The following ADCY10 variants were observed in gnomAD, a reference collection of about 807,000 sequenced individuals.
The protein encoded by ADCY10 is adenylate cyclase type 10.
A neutral mutation model predicts 183.3 loss-of-function variants in ADCY10; 156 were observed. The observed-to-expected ratio is 0.85, with a 90% confidence interval of 0.75 to 0.97. ADCY10 has a LOEUF of 0.97. ADCY10 is among the 50% of genes least tolerant of loss of function. The pLI, the probability that ADCY10 is intolerant of heterozygous loss-of-function variation, is 0.00. For missense variants in ADCY10, 1,745 were observed against 1,934.3 expected, an observed-to-expected ratio of 0.90 and a Z score of 1.84; for synonymous variants, 645 against 670.0, an observed-to-expected ratio of 0.96 and a Z score of 0.58.
chr1:167,848,974 A>G (rs1294992325), intron 18 of ADCY10, among the ~76,000 whole-genome samples: 7 of 152,182 alleles, frequency 4.6e-5, no homozygotes, highest in Admixed American at 2.6e-4. Flanking sequence ...AAACTGATTC[A>G]TGAAAATCTA....
At chr1:167,889,878 A>T (rs1490450453) in intron 8 of ADCY10, among the ~76,000 whole-genome samples, 1 of 152,104 alleles carries the variant, frequency 6.6e-6, no homozygotes, top group Non-Finnish European at 1.5e-5. Flanking sequence ...ATCAGTTGTA[A>T]TGTCTCCTCT....
chr1:167,866,431 C>T (rs757911847), intron 14 of ADCY10, among the ~76,000 whole-genome samples: 3 of 146,918 alleles, frequency 2.0e-5, no homozygotes, highest in Non-Finnish European at 3.0e-5. Flanking sequence ...ATATCTATTA[C>T]AAACAACAGC....
At position 167,823,099 on chromosome 1, in the gene ADCY10, C is replaced by T. The variant is rs1253541234; in HGVS notation, c.4077G>A (p.Leu1359=). Residue 1359 remains leucine (L), a synonymous_variant, in exon 29 of 33, where the codon CTG becomes CTA. Transcript: ENST00000367851. Reference sequence around the variant, plus strand: ...TTACAGAAAGCTCCCACAGCCGCCCCAGCACCTGGATCAATTGCGGGTATC... The same window carrying T: ...TTACAGAAAGCTCCCACAGCCGCCCTAGCACCTGGATCAATTGCGGGTATC... ...NSRYPQLIQV[L]GRLWELSVTQ... 2.5e-6 allele frequency: 4 copies of T among 1,614,150 alleles called. No homozygotes were observed. Among genetic ancestry groups the T allele is most frequent in the Non-Finnish European group, 3.4e-6 (4 of 1,180,030 alleles).
In ADCY10 at chr1:167,824,633, TG is replaced by T; in HGVS notation, c.3955+17del. ...TTCCTTGTATCCTCATGTCCCATCT[TG>T]CCCAGCCAGCCCTTACCTAACTCAA... On this transcript the variant is annotated intron_variant, in intron 27 of 32. Transcript: ENST00000367851. 1 of 1,614,228 alleles carries T rather than the reference TG, an allele frequency of 6.2e-7. No individual in the cohort carries two copies. Among genetic ancestry groups the T allele is most frequent in the Non-Finnish European group, 8.5e-7 (1 of 1,180,026 alleles).
rs1272960760 is a variant in ADCY10, at chr1:167,848,483, G to C, written c.2315C>G (p.Ser772Cys). ...GTTTAACTTCTCTGTTAGCTTAATG[G>C]AATACTCTACAGGGGTATAAAAGGG... ...NRTWNNLFKY[S>C]IKLTEKLNMV... Residue 772 changes from serine (S) to cysteine (C), a missense_variant, in exon 19 of 33, where the codon TCC (serine) becomes TGC (cysteine). Ser to Cys is a moderately radical substitution (Grantham distance 112, BLOSUM62 -1). Transcript: ENST00000367851. 1 of 1,613,424 alleles carries C rather than the reference G, an allele frequency of 6.2e-7. No homozygotes were observed. Among genetic ancestry groups the C allele is most frequent in the Non-Finnish European group, 8.5e-7 (1 of 1,179,634 alleles).
intron 1 of ADCY10, among the ~76,000 whole-genome samples, chr1:167,909,095 C>T (rs1024246812): frequency 6.6e-6 from 1 of 152,142 alleles, no homozygotes; most frequent in Non-Finnish European, 1.5e-5. Context: ...TGAAGGTAAC[C>T]TTTCTTATTT....
rs200638309 is a variant in ADCY10, at chr1:167,845,574, T to C, written c.2996A>G (p.His999Arg). The C allele has an allele frequency of 2.7e-4, 434 of 1,614,212 alleles. 3 individuals are homozygous for C. In the East Asian group the frequency reaches 9.4e-3, roughly 35 times the overall value. ...ATGAAGTAGGTTACTTTTAAATCCATGAGACATAGCCATCTTTTTAATGGC... is the reference window on the plus strand; with the variant it reads ...ATGAAGTAGGTTACTTTTAAATCCACGAGACATAGCCATCTTTTTAATGGC... ...MDAIKKMAMSHGFKTEEKLIL... is the reference protein window; with the variant it reads ...MDAIKKMAMSRGFKTEEKLIL... Residue 999 changes from histidine (H) to arginine (R), a missense_variant, in exon 21 of 33, where the codon CAT becomes CGT. Transcript: ENST00000367851.
intron 21 of ADCY10, among the ~76,000 whole-genome samples, chr1:167,839,188 C>CA (rs1664442649): frequency 6.6e-6 from 1 of 152,250 alleles, no homozygotes; most frequent in South Asian, 2.1e-4. Flanking sequence ...TTTCCCAACT[C>CA]AATCTCCATT....
chr1:167,878,760 A>C (rs1298594994), intron 11 of ADCY10, 125 bp from the exon 12 acceptor site: 2 of 964,808 alleles, frequency 2.1e-6, no homozygotes, highest in East Asian at 2.6e-5. Context: ...TGAGTGACAC[A>C]GAAGCCTAGT....
chr1:167,890,850 T>C (rs1199682701), intron 8 of ADCY10, among the ~76,000 whole-genome samples: 1 of 152,202 alleles, frequency 6.6e-6, no homozygotes, highest in East Asian at 1.9e-4. Context: ...TTTTACCGAT[T>C]AGATAACTGA....
At chr1:167,874,124 G>A (rs981309705) in intron 13 of ADCY10, among the ~76,000 whole-genome samples, 1 of 152,194 alleles carries the variant, frequency 6.6e-6, no homozygotes, top group Non-Finnish European at 1.5e-5. Flanking sequence ...TTGAAGTTAG[G>A]AGATCAAGAC....
At chr1:167,865,440 G>T (rs1197572413) in intron 14 of ADCY10, among the ~76,000 whole-genome samples, 1 of 152,154 alleles carries the variant, frequency 6.6e-6, no homozygotes, top group Non-Finnish European at 1.5e-5. Context: ...GTTAAAAAGA[G>T]TCTGTAAAAA....
At chr1:167,863,555 G>A (rs1463110083) in intron 14 of ADCY10, among the ~76,000 whole-genome samples, 3 of 152,050 alleles carry the variant, frequency 2.0e-5, no homozygotes, top group Non-Finnish European at 2.9e-5. Context: ...GGTTTTGTCT[G>A]CGGCTCATCC....
chr1:167,857,752 T>C (rs3767459), intron 16 of ADCY10, among the ~76,000 whole-genome samples: 2,062 of 152,298 alleles, frequency 0.014, 16 homozygotes, highest in East Asian at 0.041. Context: ...CTGAGAAAAT[T>C]TGGGCACAGA....
intron 7 of ADCY10, among the ~76,000 whole-genome samples, chr1:167,894,697 C>A (rs1263579913): frequency 6.6e-6 from 1 of 152,042 alleles, no homozygotes; most frequent in African/African-American, 2.4e-5. Flanking sequence ...GTAAGTGTAG[C>A]ACTTTGCTGA....
chr1:167,875,814 A>G (rs932976674), intron 12 of ADCY10, among the ~76,000 whole-genome samples: 12 of 152,292 alleles, frequency 7.9e-5, no homozygotes, highest in Admixed American at 2.0e-4. Context: ...TTAGCCAGGC[A>G]TGGTGGCGGT....
chr1:167,885,023 A>G (rs988030604), intron 8 of ADCY10, among the ~76,000 whole-genome samples: 1 of 152,122 alleles, frequency 6.6e-6, no homozygotes, highest in Admixed American at 6.5e-5. Context: ...AGCTCCCACA[A>G]ATAAGTGAGA....
chr1:167,849,969 G>T (rs1322430337), intron 18 of ADCY10, among the ~76,000 whole-genome samples: 1 of 152,132 alleles, frequency 6.6e-6, no homozygotes, highest in Admixed American at 6.5e-5. Flanking sequence ...TGGAGAGCTA[G>T]TTTGGGAGCA....
rs975926800 is a variant in ADCY10 at position 167,896,751 on chromosome 1, T to C, written c.643-60A>G. 3.4e-6 allele frequency: 4 copies of C among 1,189,468 alleles called. No individual in the cohort carries two copies. The African/African-American group carries it at 6.0e-5, about 18-fold the overall frequency. 73.7% of individuals were successfully genotyped at this position (1,189,468 alleles called of 1,614,324 possible). A position where few individuals can be genotyped will look rare whatever the true frequency, so the allele number is the denominator to read the frequency against. On this transcript the variant is annotated intron_variant, in intron 6 of 32. Transcript: ENST00000367851. ...CTGAGAACTGTTTAATCCTTTGAAG[T>C]GTAATTTCTTAGCAGAAAGAGAGTA... is the stretch of plus-strand genomic sequence containing the variant.
Sources: allele counts gnomAD v4.1 joint callset (sites outside exome capture counted in the v4.1 genomes callset), GRCh38; gene constraint gnomAD v4.1.1; transcripts MANE v1.5; gene names NCBI Gene and HGNC (gene_info 2026-07-23, HGNC 2026-07-21).